The following L3MBTL4 variants were observed in gnomAD, a reference collection of about 807,000 sequenced individuals.
The protein encoded by L3MBTL4 is L3MBTL histone methyl-lysine binding protein 4.
A neutral mutation model predicts 84.5 loss-of-function variants in L3MBTL4; 70 were observed. That is an observed-to-expected ratio of 0.83 (90% CI 0.68 to 1.01). The LOEUF (loss-of-function observed/expected upper bound fraction) is 1.01, where lower values mean the gene tolerates loss of function less well. Ranked by LOEUF, L3MBTL4 falls within the 50% of genes least tolerant of loss-of-function variation. L3MBTL4 has a pLI of 0.00. For missense variants in L3MBTL4, 715 were observed against 754.8 expected (o/e 0.95, Z 0.62); for synonymous variants, 274 against 259.8 (o/e 1.05, Z -0.52).
intron 14 of L3MBTL4, among the ~76,000 whole-genome samples, chr18:6,098,480 T>C (rs2058712257): frequency 6.6e-6 from 1 of 152,212 alleles, no homozygotes; most frequent in African/African-American, 2.4e-5. Flanking sequence ...AAAGATGTAA[T>C]AGCCTCTTGA....
intron 1 of L3MBTL4, among the ~76,000 whole-genome samples, chr18:6,400,930 T>C (rs971737513): frequency 6.6e-6 from 1 of 152,206 alleles, no homozygotes; most frequent in African/African-American, 2.4e-5. Context: ...TGTTCTCTTC[T>C]TGAGCACTGC....
At chr18:6,028,627 A>G (rs2055627418) in intron 16 of L3MBTL4, among the ~76,000 whole-genome samples, 1 of 152,224 alleles carries the variant, frequency 6.6e-6, no homozygotes, top group African/African-American at 2.4e-5. Flanking sequence ...TACTTTGGGC[A>G]GTATGGCCAT....
chr18:5,996,292 G>C (rs570238367), intron 16 of L3MBTL4, among the ~76,000 whole-genome samples: 11 of 152,194 alleles, frequency 7.2e-5, no homozygotes, highest in Non-Finnish European at 1.5e-4. Context: ...AGACGATCTT[G>C]ATGTTAGTTC....
At chr18:5,986,162 CCT>C (rs1349885303) in intron 16 of L3MBTL4, among the ~76,000 whole-genome samples, 2 of 152,164 alleles carry the variant, frequency 1.3e-5, no homozygotes, top group South Asian at 4.1e-4. Context: ...GACTTGTTCC[CCT>C]GAGTCTCCTA....
rs770699263 is a variant in L3MBTL4 at position 6,070,792 on chromosome 18, C to T, written c.1444+10089G>A. On this transcript the variant is annotated intron_variant, in intron 16 of 18. Coordinates refer to ENST00000317931, the MANE Select transcript of L3MBTL4 (RefSeq NM_001330559.2). ...GGTTGAGGCTGCATTGAGCTGTGATCGCACCACTGCACTCCAGCCTGGGTG... is the reference window on the plus strand; with the variant it reads ...GGTTGAGGCTGCATTGAGCTGTGATTGCACCACTGCACTCCAGCCTGGGTG... Among the ~76,000 whole-genome samples the T allele has an allele frequency of 1.6e-4, 25 of 152,106 alleles. 1 individual carries two copies. The South Asian group carries it at 1.9e-3, about 11-fold the overall frequency.
chr18:6,298,458 T>C (rs2050195887), intron 4 of L3MBTL4, among the ~76,000 whole-genome samples: 1 of 152,218 alleles, frequency 6.6e-6, no homozygotes, highest in Non-Finnish European at 1.5e-5. Context: ...CTTTGCTAGT[T>C]TGTTGTTTCC....
chr18:6,074,919 A>G (rs536651827), intron 16 of L3MBTL4, among the ~76,000 whole-genome samples: 35 of 152,264 alleles, frequency 2.3e-4, no homozygotes, highest in African/African-American at 8.4e-4. Context: ...TCATCTCTAT[A>G]CAAGCAGAAA....
At chr18:6,020,067 G>A (rs889416847) in intron 16 of L3MBTL4, among the ~76,000 whole-genome samples, 2 of 152,214 alleles carry the variant, frequency 1.3e-5, no homozygotes, top group Non-Finnish European at 2.9e-5. Context: ...CTGCCCTCAT[G>A]GAGCTCACAT....
rs60415566 is a variant in L3MBTL4, at chr18:6,345,237, GA to G, written c.-90-33182del. ...ATACAAAAAAAAAAAAAAAAAAAAAGAAAAAAAAAAAGAGCCGGGCATGGCA... is the reference window on the plus strand; with the variant it reads ...ATACAAAAAAAAAAAAAAAAAAAAAGAAAAAAAAAAGAGCCGGGCATGGCA... On this transcript the variant is annotated intron_variant, in intron 1 of 18. Coordinates refer to ENST00000317931, the MANE Select transcript of L3MBTL4 (RefSeq NM_001330559.2). Among the ~76,000 whole-genome samples the G allele has an allele frequency of 5.5e-3, 619 of 111,608 alleles. 3 individuals are homozygous for G. The highest frequency in any genetic ancestry group is 8.9e-3 in the African/African-American group (265 of 29,872). The allele number at this position is 111,608 out of a possible 152,430, so 73.2% of individuals were successfully genotyped here.
intron 14 of L3MBTL4, among the ~76,000 whole-genome samples, chr18:6,101,188 G>A (rs369867615): frequency 6.6e-6 from 1 of 152,098 alleles, no homozygotes; most frequent in Non-Finnish European, 1.5e-5. Flanking sequence ...TGTTCCATTG[G>A]CTTTTCCAGG....
intron 1 of L3MBTL4, among the ~76,000 whole-genome samples, chr18:6,371,289 A>G (rs2054150685): frequency 6.6e-6 from 1 of 152,204 alleles, no homozygotes; most frequent in Admixed American, 6.5e-5. Context: ...ATGAACCAGA[A>G]TACAAACCAT....
chr18:6,009,683 A>G (rs1326601138), intron 16 of L3MBTL4, among the ~76,000 whole-genome samples: 1 of 152,180 alleles, frequency 6.6e-6, no homozygotes, highest in East Asian at 1.9e-4. Flanking sequence ...CAAATATTGT[A>G]CTGTATAGTT....
chr18:6,202,137 T>TCC (rs1262472798), intron 12 of L3MBTL4, among the ~76,000 whole-genome samples: 1 of 152,152 alleles, frequency 6.6e-6, no homozygotes, highest in Non-Finnish European at 1.5e-5. Context: ...GTACCTCCCT[T>TCC]CCCTTTTCTG....
At chr18:6,044,701 A>T (rs563598627) in intron 16 of L3MBTL4, among the ~76,000 whole-genome samples, 74 of 152,324 alleles carry the variant, frequency 4.9e-4, no homozygotes, top group African/African-American at 1.7e-3. Context: ...GGAAGAAAAA[A>T]ATATGAGTCA....
intron 16 of L3MBTL4, among the ~76,000 whole-genome samples, chr18:6,001,237 G>C (rs369064345): frequency 6.6e-6 from 1 of 152,184 alleles, no homozygotes; most frequent in African/African-American, 2.4e-5. Context: ...TGGCTTCCAG[G>C]GTATGTGAAG....
At chr18:6,051,134 C>G (rs2056823481) in intron 16 of L3MBTL4, among the ~76,000 whole-genome samples, 1 of 152,154 alleles carries the variant, frequency 6.6e-6, no homozygotes, top group South Asian at 2.1e-4. Flanking sequence ...CACAGAGCAC[C>G]AAGCTAATTT....
chr18:6,023,197 C>G (rs910406073), intron 16 of L3MBTL4, among the ~76,000 whole-genome samples: 1 of 152,180 alleles, frequency 6.6e-6, no homozygotes, highest in African/African-American at 2.4e-5. Context: ...TGTGGCTAGA[C>G]ATACTGACTT....
intron 16 of L3MBTL4, among the ~76,000 whole-genome samples, chr18:6,052,721 C>T (rs2056880253): frequency 6.6e-6 from 1 of 152,210 alleles, no homozygotes; most frequent in Admixed American, 6.5e-5. Flanking sequence ...GCAAATGGCT[C>T]ACTTTTTCTT....
At chr18:6,175,700 C>G (rs1487614955) in intron 12 of L3MBTL4, among the ~76,000 whole-genome samples, 1 of 152,172 alleles carries the variant, frequency 6.6e-6, no homozygotes, top group Non-Finnish European at 1.5e-5. Context: ...TGATAAAAGG[C>G]ATCTATGAAA....
Sources: allele counts gnomAD v4.1 joint callset (sites outside exome capture counted in the v4.1 genomes callset), GRCh38; gene constraint gnomAD v4.1.1; transcripts MANE v1.5; gene names NCBI Gene and HGNC (gene_info 2026-07-23, HGNC 2026-07-21).